CPSF3: variants seen among roughly 807,000 people sequenced by gnomAD.
CPSF3 encodes cleavage and polyadenylation specificity factor subunit 3.
Under a neutral mutation model 84.1 loss-of-function variants are expected in CPSF3, and 57 were observed. The observed-to-expected ratio is 0.68, with a 90% CI of 0.55 to 0.85. CPSF3 has a LOEUF of 0.85. Ranked by LOEUF, CPSF3 falls within the 40% of genes least tolerant of loss-of-function variation. The pLI, the probability that CPSF3 is intolerant of heterozygous loss-of-function variation, is 0.00. For missense variants in CPSF3, 522 were observed against 838.8 expected (o/e 0.62, Z 4.66); for synonymous variants, 275 against 278.1 (o/e 0.99, Z 0.11).
rs1234768232 is a variant in CPSF3, at chr2:9,432,457, CT to C, written c.342-49del. On this transcript the variant is annotated intron_variant, in intron 4 of 17. Coordinates refer to ENST00000238112, the MANE Select transcript of CPSF3 (RefSeq NM_016207.4). Reference sequence around the variant, plus strand: ...TCCACAATTTCTTTGTGTTCAAAGGCTTTTTAAAAAATCTGACTCTTAATTG... The same window carrying C: ...TCCACAATTTCTTTGTGTTCAAAGGCTTTTAAAAAATCTGACTCTTAATTG... 3.0e-6 allele frequency: 4 copies of C among 1,312,180 alleles called. No individual in the cohort carries two copies. In the African/African-American group the frequency reaches 5.9e-5, roughly 19 times the overall value. The allele number at this position is 1,312,180 out of a possible 1,614,324, so 81.3% of individuals were successfully genotyped here.
chr2:9,452,138 G>T (rs1341979232), intron 11 of CPSF3, among the ~76,000 whole-genome samples: 1 of 152,078 alleles, frequency 6.6e-6, no homozygotes, highest in Non-Finnish European at 1.5e-5. Context: ...AGACCAGCCT[G>T]GCCAATGTGG....
intron 11 of CPSF3, among the ~76,000 whole-genome samples, chr2:9,451,493 G>A (rs951668246): frequency 1.1e-4 from 16 of 152,020 alleles, no homozygotes; most frequent in African/African-American, 3.6e-4. Flanking sequence ...GCCAGGCTTG[G>A]TGGCTCTCGC....
Position 9,453,039 on chromosome 2 carries a change from T to G in CPSF3, c.1504+18T>G, listed in dbSNP as rs754735048. On this transcript the variant is annotated intron_variant, in intron 12 of 17. Coordinates refer to ENST00000238112, the MANE Select transcript of CPSF3 (RefSeq NM_016207.4). ...CCTGTCCAGTAAGTATACTATTAAA[T>G]GTCAAATCCAACTTCACCTTAGCAC... is the stretch of plus-strand genomic sequence containing the variant. The G allele has an allele frequency of 2.1e-6, 3 of 1,462,660 alleles. No homozygotes were observed. Among genetic ancestry groups the G allele is most frequent in the Non-Finnish European group, 2.8e-6 (3 of 1,065,972 alleles). The allele number at this position is 1,462,660 out of a possible 1,614,324, so 90.6% of individuals were successfully genotyped here.
chr2:9,453,956 A>G (rs1208346930), intron 12 of CPSF3, among the ~76,000 whole-genome samples: 3 of 152,146 alleles, frequency 2.0e-5, no homozygotes, highest in Non-Finnish European at 4.4e-5. Context: ...CTTTTTTCCC[A>G]TAGTTGATAC....
intron 14 of CPSF3, among the ~76,000 whole-genome samples, chr2:9,458,450 C>T (rs964164190): frequency 6.6e-6 from 1 of 152,074 alleles, no homozygotes; most frequent in Admixed American, 6.6e-5. Context: ...TATCTATAAA[C>T]ATGAAGTTAC....
intron 11 of CPSF3, among the ~76,000 whole-genome samples, chr2:9,448,760 T>C (rs1311283861): frequency 2.0e-5 from 3 of 152,160 alleles, no homozygotes; most frequent in Non-Finnish European, 4.4e-5. Context: ...TTTCACCACG[T>C]TGGCCAGGAT....
At chr2:9,455,115 A>T (rs1310560279) in intron 12 of CPSF3, among the ~76,000 whole-genome samples, 1 of 149,176 alleles carries the variant, frequency 6.7e-6, no homozygotes, top group Non-Finnish European at 1.5e-5. Context: ...AGAACCTGGT[A>T]TGTTTGGGGA....
chr2:9,427,764 G>A (rs1187147908), intron 1 of CPSF3, among the ~76,000 whole-genome samples: 3 of 152,150 alleles, frequency 2.0e-5, no homozygotes, highest in African/African-American at 4.8e-5. Context: ...TGTTGAGTGA[G>A]TGAGTGGATT....
intron 12 of CPSF3, among the ~76,000 whole-genome samples, chr2:9,454,293 A>G (rs1006439946): frequency 1.3e-4 from 20 of 152,134 alleles, no homozygotes; most frequent in African/African-American, 4.3e-4. Flanking sequence ...CTGTAGTCCC[A>G]GCTACTTGGG....
intron 7 of CPSF3, 83 bp from the exon 8 acceptor site, chr2:9,440,408 C>A (rs905350737): frequency 9.2e-6 from 10 of 1,090,834 alleles, no homozygotes; most frequent in Middle Eastern, 2.5e-4. Context: ...TGTATCATTT[C>A]TTGTTCTGTG....
intron 15 of CPSF3, among the ~76,000 whole-genome samples, chr2:9,463,814 C>T (rs551661578): frequency 2.6e-5 from 4 of 152,328 alleles, no homozygotes; most frequent in South Asian, 2.1e-4. Flanking sequence ...CACAGCCGTG[C>T]GCACTGGTTC....
chr2:9,445,411 G>A (rs1012844284), intron 10 of CPSF3, among the ~76,000 whole-genome samples: 2 of 152,160 alleles, frequency 1.3e-5, no homozygotes, highest in African/African-American at 4.8e-5. Context: ...GTGGTATCTC[G>A]TTGTGGTTTT....
intron 15 of CPSF3, among the ~76,000 whole-genome samples, chr2:9,466,214 A>ACACGCACGCACACACACGTGCGCG (rs1681910696): frequency 6.7e-6 from 1 of 149,902 alleles, no homozygotes; most frequent in African/African-American, 2.5e-5. Context: ...ACACGCGCAC[A>ACACGCACGCACACACACGTGCGCG]CACGCACGCA....
At chr2:9,462,859 C>T (rs1043931992) in intron 15 of CPSF3, among the ~76,000 whole-genome samples, 2 of 152,158 alleles carry the variant, frequency 1.3e-5, no homozygotes, top group African/African-American at 2.4e-5. Context: ...GGGCTGTTTC[C>T]GTGTGTTCCG....
intron 6 of CPSF3, among the ~76,000 whole-genome samples, chr2:9,435,324 T>C (rs967930026): frequency 3.3e-5 from 5 of 152,240 alleles, no homozygotes; most frequent in African/African-American, 1.2e-4. Context: ...ATAACCTTTT[T>C]CTTCCTAATG....
intron 10 of CPSF3, among the ~76,000 whole-genome samples, chr2:9,444,049 G>T (rs1454233418): frequency 6.6e-6 from 1 of 151,318 alleles, no homozygotes; most frequent in Admixed American, 6.6e-5. Flanking sequence ...AGGAATAATA[G>T]CTCATAAGGT....
chr2:9,458,913 G>A (rs1681626151), intron 14 of CPSF3, among the ~76,000 whole-genome samples: 1 of 152,044 alleles, frequency 6.6e-6, no homozygotes, highest in Non-Finnish European at 1.5e-5. Context: ...GGGAGTTAGA[G>A]ACCAGGCTGA....
chr2:9,439,803 A>T (rs1410255093), intron 7 of CPSF3, among the ~76,000 whole-genome samples: 1 of 152,018 alleles, frequency 6.6e-6, no homozygotes, highest in Non-Finnish European at 1.5e-5. Flanking sequence ...CCTGGGAAAC[A>T]TAATGAGACC....
intron 10 of CPSF3, among the ~76,000 whole-genome samples, chr2:9,445,565 C>G (rs1681101769): frequency 6.6e-6 from 1 of 152,220 alleles, no homozygotes; most frequent in South Asian, 2.1e-4. Flanking sequence ...CAAGAAAAAT[C>G]ACTCTCCTGT....
Sources: allele counts gnomAD v4.1 joint callset (sites outside exome capture counted in the v4.1 genomes callset), GRCh38; gene constraint gnomAD v4.1.1; transcripts MANE v1.5; gene names NCBI Gene and HGNC (gene_info 2026-07-23, HGNC 2026-07-21).